Variants in PCNX2 observed in about 807,000 individuals in gnomAD.
PCNX2 encodes pecanex 2.
Under a neutral mutation model 223.8 loss-of-function variants are expected in PCNX2, and 168 were observed. The observed-to-expected ratio is 0.75, with a 90% CI of 0.66 to 0.85. The LOEUF (loss-of-function observed/expected upper bound fraction) is 0.85. Among genes scored for constraint, PCNX2 ranks in the 40% least tolerant of loss-of-function variants. The pLI, the probability that PCNX2 is intolerant of heterozygous loss-of-function variation, is 0.00. For missense variants in PCNX2, 2,507 were observed against 2,675.5 expected (o/e 0.94, Z 1.39); for synonymous variants, 1,006 against 1,052.6 (o/e 0.96, Z 0.86).
intron 26 of PCNX2, among the ~76,000 whole-genome samples, chr1:233,024,560 T>C (rs1344523284): frequency 6.6e-6 from 1 of 152,192 alleles, no homozygotes; most frequent in Non-Finnish European, 1.5e-5. Flanking sequence ...GGTGCCACAC[T>C]TGTTTTCCAG....
At position 233,258,592 on chromosome 1, in the gene PCNX2, CG is replaced by C. The variant is rs748549745; in HGVS notation, c.1269del (p.Glu424SerfsTer7). The part of the protein sequence containing the change: ...TNPGAAGSPN[A>X]EQISIPVITL... ...GTGATTACAGGAATTGAGATCTGCT[CG>C]GCATTTGGAGAACCGGCCGCCCCTG... On this transcript the variant is annotated frameshift_variant, in exon 5 of 34. Transcript: ENST00000258229. LOFTEE classifies it high-confidence loss of function. The C allele has an allele frequency of 2.9e-5, 47 of 1,613,814 alleles. No homozygotes were observed. The Admixed American group carries it at 7.5e-4, about 26-fold the overall frequency.
At chr1:233,112,629 G>A (rs1453613624) in intron 21 of PCNX2, among the ~76,000 whole-genome samples, 1 of 152,222 alleles carries the variant, frequency 6.6e-6, no homozygotes, top group East Asian at 1.9e-4. Flanking sequence ...AGCAGAGAAT[G>A]CTGCAAACTT....
intron 10 of PCNX2, among the ~76,000 whole-genome samples, chr1:233,220,903 G>A (rs994721283): frequency 6.6e-6 from 1 of 152,124 alleles, no homozygotes; most frequent in Non-Finnish European, 1.5e-5. Flanking sequence ...CTATAGAGAT[G>A]ATTGATTGAT....
intron 25 of PCNX2, among the ~76,000 whole-genome samples, chr1:233,038,161 A>T (rs1261743823): frequency 6.6e-6 from 1 of 152,234 alleles, no homozygotes; most frequent in African/African-American, 2.4e-5. Context: ...ATTTTCAACC[A>T]GCTCATGGGA....
chr1:233,200,185 C>A lies in PCNX2; in HGVS notation c.2943G>T (p.Glu981Asp). Residue 981 changes from glutamate to aspartate, a missense_variant, in exon 14 of 34, where the codon GAG (glutamate) becomes GAT (aspartate). Physicochemically the swap from Glu to Asp is conservative, Grantham distance 45. Coordinates refer to ENST00000258229, the MANE Select transcript of PCNX2 (RefSeq NM_014801.4). ...QINTFCTYLL[E>D]QIDMLFFGGS... ...CACCAAAAAACAGCATGTCAATTTG[C>A]TCCAAAAGATAAGTGCAGAAAGTGT... 6.3e-7 allele frequency: 1 copy of A among 1,593,458 alleles called. No individual in the cohort carries two copies. Among genetic ancestry groups the A allele is most frequent in the Non-Finnish European group, 8.6e-7 (1 of 1,169,406 alleles).
chr1:233,053,617 A>G (rs1000582372), intron 25 of PCNX2, among the ~76,000 whole-genome samples: 2 of 152,148 alleles, frequency 1.3e-5, no homozygotes, highest in African/African-American at 4.8e-5. Flanking sequence ...AAAACATGCA[A>G]TGAGTAAAGG....
chr1:233,199,098 T>C, intron 14 of PCNX2, 68 bp from the exon 15 acceptor site: 2 of 1,398,758 alleles, frequency 1.4e-6, no homozygotes, highest in South Asian at 1.3e-5. Flanking sequence ...TGTAAAACAG[T>C]GAAGAGATGG....
Position 233,161,381 on chromosome 1 carries a change from G to A in PCNX2, c.3274-18C>T. 3.7e-6 allele frequency: 6 copies of A among 1,603,176 alleles called. No homozygotes were observed. The highest frequency in any genetic ancestry group is 1.1e-5 in the South Asian group (1 of 90,454). On this transcript the variant is annotated intron_variant, in intron 17 of 33. Transcript: ENST00000258229. ...ACATCCGTCTGGAAAGAGAAAACCA[G>A]CGGTAAAGGCGACTCTTCATTTCTC...
intron 1 of PCNX2, among the ~76,000 whole-genome samples, chr1:233,291,352 G>A (rs1427703532): frequency 6.6e-6 from 1 of 152,190 alleles, no homozygotes; most frequent in African/African-American, 2.4e-5. Context: ...GCTCACGCCT[G>A]TAATCCCAGC....
At chr1:233,210,580 C>T (rs1681762469) in intron 12 of PCNX2, 2 of 985,286 alleles carry the variant, frequency 2.0e-6, no homozygotes, top group Non-Finnish European at 2.4e-6. Flanking sequence ...TGCCTGGCCA[C>T]TACTTCTGTT....
chr1:233,045,303 A>T (rs975396484), intron 25 of PCNX2, among the ~76,000 whole-genome samples: 1 of 152,202 alleles, frequency 6.6e-6, no homozygotes, highest in Non-Finnish European at 1.5e-5. Context: ...CTTCCATGCA[A>T]TCTTCCACTT....
intron 23 of PCNX2, among the ~76,000 whole-genome samples, chr1:233,078,270 G>A (rs1673190833): frequency 6.6e-6 from 1 of 152,216 alleles, no homozygotes; most frequent in South Asian, 2.1e-4. Flanking sequence ...AGTATTGGCC[G>A]ATCTCAGGGA....
At chr1:233,083,155 A>C (rs1221522709) in intron 23 of PCNX2, among the ~76,000 whole-genome samples, 1 of 152,188 alleles carries the variant, frequency 6.6e-6, no homozygotes, top group South Asian at 2.1e-4. Flanking sequence ...CTGAGAACCA[A>C]TTAGATGACC....
chr1:233,057,664 G>A (rs80278952), intron 23 of PCNX2: 20,219 of 182,264 alleles, frequency 0.11, 1,203 homozygotes, highest in Middle Eastern at 0.14. Context: ...GAAGTCAGGA[G>A]CTTGGTACCA....
At chr1:233,072,767 T>C (rs578103551) in intron 23 of PCNX2, among the ~76,000 whole-genome samples, 1 of 152,286 alleles carries the variant, frequency 6.6e-6, no homozygotes, top group South Asian at 2.1e-4. Flanking sequence ...TAATAAGGTG[T>C]TGAATTTGGT....
intron 10 of PCNX2, among the ~76,000 whole-genome samples, chr1:233,219,121 A>G (rs555598310): frequency 1.3e-5 from 2 of 152,058 alleles, no homozygotes; most frequent in South Asian, 4.2e-4. Context: ...CCAGAGGTGG[A>G]GTGTTATCAG....
chr1:233,198,896 T>C, intron 15 of PCNX2, 43 bp downstream of exon 15: 1 of 1,478,310 alleles, frequency 6.8e-7, no homozygotes, highest in South Asian at 1.2e-5. Context: ...TAAGTTAATT[T>C]AATGAATCGA....
intron 13 of PCNX2, among the ~76,000 whole-genome samples, chr1:233,205,787 G>A (rs897932840): frequency 3.9e-5 from 6 of 152,250 alleles, no homozygotes; most frequent in South Asian, 2.1e-4. Flanking sequence ...GCCTCTAAAT[G>A]CCAGACACTG....
Position 233,131,002 on chromosome 1 carries a change from C to T in PCNX2, c.3837+4011G>A, listed in dbSNP as rs149732697. On this transcript the variant is annotated intron_variant, in intron 21 of 33. Coordinates refer to ENST00000258229, the MANE Select transcript of PCNX2 (RefSeq NM_014801.4). ...TAATCACTTCTCTCCTCTGTTTCTA[C>T]CCATAAAGCCCAAAGGATTAGAGGC... Among the ~76,000 whole-genome samples the T allele has an allele frequency of 4.3e-3, 653 of 152,232 alleles. 2 individuals carry two copies. The highest frequency in any genetic ancestry group is 6.7e-3 in the Non-Finnish European group (454 of 68,024).
Sources: allele counts gnomAD v4.1 joint callset (sites outside exome capture counted in the v4.1 genomes callset), GRCh38; gene constraint gnomAD v4.1.1; transcripts MANE v1.5; gene names NCBI Gene and HGNC (gene_info 2026-07-23, HGNC 2026-07-21).